The following PHF2 variants were observed in gnomAD, a reference collection of about 807,000 sequenced individuals.
PHF2 encodes lysine-specific demethylase PHF2.
Under a neutral mutation model 120.5 loss-of-function variants are expected in PHF2, and 27 were observed. The observed-to-expected ratio is 0.22, with a 90% CI of 0.17 to 0.31. PHF2 has a LOEUF of 0.31. Among genes scored for constraint, PHF2 ranks in the 10% least tolerant of loss-of-function variants. PHF2 has a pLI of 1.00. For missense variants in PHF2, 1,024 were observed against 1,434.8 expected, an observed-to-expected ratio of 0.71 and a Z score of 4.63; for synonymous variants, 568 against 592.5, an observed-to-expected ratio of 0.96 and a Z score of 0.60.
intron 1 of PHF2, among the ~76,000 whole-genome samples, chr9:93,614,399 G>A (rs766015740): frequency 3.9e-5 from 6 of 152,120 alleles, no homozygotes; most frequent in Admixed American, 6.5e-5. Context: ...TTCCCCTGTG[G>A]CTTCTGTTCC....
intron 18 of PHF2, 122 bp from the exon 19 acceptor site, chr9:93,674,805 G>C: frequency 1.5e-6 from 1 of 674,766 alleles, no homozygotes; most frequent in Admixed American, 2.3e-5. Flanking sequence ...AGCGTGGCAG[G>C]CCTTAGTGTA....
At chr9:93,641,216 T>G (rs1397213506) in intron 3 of PHF2, among the ~76,000 whole-genome samples, 1 of 152,110 alleles carries the variant, frequency 6.6e-6, no homozygotes, top group Non-Finnish European at 1.5e-5. Context: ...TCCAGTAGAG[T>G]CTGATACAGG....
rs778044822 is a variant in PHF2 at position 93,663,020 on chromosome 9, G to A, written c.1812G>A (p.Lys604=). Residue 604 remains lysine, a synonymous_variant, in exon 13 of 22, where the codon AAG becomes AAA. Coordinates refer to ENST00000359246, the MANE Select transcript of PHF2 (RefSeq NM_005392.4). ...QTKSKSEAKW[K]YKNSKPDSLL... ...AGAGCAAGTCAGAGGCCAAGTGGAA[G>A]TACAAGGTGAGAAGTGCACATATGC... 34 of 1,614,038 alleles carry A rather than the reference G, an allele frequency of 2.1e-5. No individual in the cohort carries two copies. The highest frequency in any genetic ancestry group is 2.9e-5 in the Non-Finnish European group (34 of 1,180,004).
chr9:93,582,512 C>G (rs192499464), intron 1 of PHF2, among the ~76,000 whole-genome samples: 29 of 152,310 alleles, frequency 1.9e-4, no homozygotes, highest in African/African-American at 6.7e-4. Context: ...TGTCCCCTAA[C>G]TTCTGCCAAC....
At chr9:93,634,079 C>T (rs1360462142) in intron 2 of PHF2, among the ~76,000 whole-genome samples, 1 of 152,216 alleles carries the variant, frequency 6.6e-6, no homozygotes, top group East Asian at 1.9e-4. Flanking sequence ...AGGCAGGGAG[C>T]TCTGCTTGGT....
chr9:93,657,140 C>A (rs917348974), intron 9 of PHF2, among the ~76,000 whole-genome samples: 4 of 152,176 alleles, frequency 2.6e-5, no homozygotes, highest in Non-Finnish European at 5.9e-5. Flanking sequence ...CTGCCAGCCA[C>A]CACCCTGTCC....
chr9:93,617,535 G>A (rs1825748529), intron 1 of PHF2, among the ~76,000 whole-genome samples: 1 of 152,160 alleles, frequency 6.6e-6, no homozygotes, highest in African/African-American at 2.4e-5. Flanking sequence ...GCCTCTGGAA[G>A]CATCTGAATT....
intron 10 of PHF2, among the ~76,000 whole-genome samples, chr9:93,658,661 G>A (rs1018432998): frequency 6.6e-6 from 1 of 151,332 alleles, no homozygotes; most frequent in Non-Finnish European, 1.5e-5. Flanking sequence ...GGGAAGGACT[G>A]GGGGAGTGGC....
rs1172533549 is a variant in PHF2, at chr9:93,677,517, C to G, written c.3203-71C>G. On this transcript the variant is annotated intron_variant, in intron 21 of 21. Transcript: ENST00000359246. This position sits in a 1 kb window ranked among gnomAD's most constrained non-coding sequence, Gnocchi z 4.4. ...CTTAGTGTCAGCGGGACCCTCCCCC[C>G]CACCGGCATGCCACGCCCCTTGCCA... 7.0e-6 allele frequency: 8 copies of G among 1,145,164 alleles called. No homozygotes were observed. The Admixed American group carries it at 9.0e-5, about 13-fold the overall frequency. The allele number at this position is 1,145,164 out of a possible 1,614,324, so 70.9% of individuals were successfully genotyped here. A position where few individuals can be genotyped will look rare whatever the true frequency, so the allele number is the denominator to read the frequency against.
chr9:93,621,235 G>A (rs1825820716), intron 1 of PHF2, among the ~76,000 whole-genome samples: 1 of 152,224 alleles, frequency 6.6e-6, no homozygotes, highest in Admixed American at 6.5e-5. Flanking sequence ...CTGGTGGGCG[G>A]GCCCTGGATG....
intron 1 of PHF2, among the ~76,000 whole-genome samples, chr9:93,593,594 A>G (rs575863675): frequency 6.6e-6 from 1 of 152,348 alleles, no homozygotes; most frequent in Admixed American, 6.5e-5. Flanking sequence ...AACAAATTTA[A>G]AAGTATATAA....
intron 10 of PHF2, 58 bp from the exon 11 acceptor site, chr9:93,659,453 G>T (rs2117982072): frequency 7.2e-7 from 1 of 1,395,536 alleles, no homozygotes; most frequent in South Asian, 1.2e-5. Context: ...AGAATGCAGG[G>T]GTAAGTCAGG....
At chr9:93,578,504 C>T (rs972894975) in intron 1 of PHF2, among the ~76,000 whole-genome samples, 18 of 152,326 alleles carry the variant, frequency 1.2e-4, no homozygotes, top group African/African-American at 3.1e-4. Context: ...CCATCTCCAC[C>T]GGAGCCCTGA....
chr9:93,667,268 A>G lies in PHF2; in HGVS notation c.2348+28A>G, dbSNP rs569715198. ...GGGCCCCACCACCCGGCAGCACCCA[A>G]GAGCGGGGACCAGGCAGGCCCAGGG... On this transcript the variant is annotated intron_variant, in intron 17 of 21. Transcript: ENST00000359246. The G allele has an allele frequency of 3.8e-6, 6 of 1,597,814 alleles. No homozygotes were observed. The Admixed American group carries it at 1.1e-4, about 28-fold the overall frequency.
chr9:93,631,498 A>C (rs2131654583), intron 2 of PHF2, among the ~76,000 whole-genome samples: 1 of 152,378 alleles, frequency 6.6e-6, no homozygotes, highest in African/African-American at 2.4e-5. Flanking sequence ...CTCAGAATGC[A>C]TCTGCCTACG....
chr9:93,636,371 T>C, intron 2 of PHF2, 40 bp from the exon 3 acceptor site: 1 of 1,500,972 alleles, frequency 6.7e-7, no homozygotes, highest in Non-Finnish European at 9.1e-7. Flanking sequence ...CTGCTGGGGC[T>C]GCGCTGTGTG....
chr9:93,578,486 C>T (rs1262262917), intron 1 of PHF2, among the ~76,000 whole-genome samples: 2 of 152,218 alleles, frequency 1.3e-5, no homozygotes, highest in Admixed American at 1.3e-4. Flanking sequence ...GGGCCTCTGC[C>T]TTCTCCCCCA....
chr9:93,626,519 T>A (rs1174992241), intron 1 of PHF2, among the ~76,000 whole-genome samples: 1 of 152,228 alleles, frequency 6.6e-6, no homozygotes, highest in African/African-American at 2.4e-5. Context: ...ACTTTCTCCT[T>A]TAATGTCACT....
At chr9:93,676,158 G>A (rs1354740159) in intron 20 of PHF2, among the ~76,000 whole-genome samples, 3 of 152,114 alleles carry the variant, frequency 2.0e-5, no homozygotes, top group African/African-American at 7.2e-5. Context: ...GTCTCTACAT[G>A]CTCCTAAAAA....
Sources: allele counts gnomAD v4.1 joint callset (sites outside exome capture counted in the v4.1 genomes callset), GRCh38; gene constraint gnomAD v4.1.1; non-coding constraint Gnocchi (gnomAD v3.1); transcripts MANE v1.5; gene names NCBI Gene and HGNC (gene_info 2026-07-23, HGNC 2026-07-21).